Variants in ANO1 observed in about 807,000 individuals in gnomAD.
ANO1 encodes anoctamin 1.
A neutral mutation model predicts 124.0 loss-of-function variants in ANO1; 59 were observed. That is an observed-to-expected ratio of 0.48 (90% CI 0.39 to 0.59). The LOEUF (loss-of-function observed/expected upper bound fraction) is 0.59, where lower values mean the gene tolerates loss of function less well. ANO1 is among the 20% of genes least tolerant of loss of function. The pLI is 0.00. For missense variants in ANO1, 1,059 were observed against 1,328.0 expected (o/e 0.80, Z 3.15); for synonymous variants, 529 against 532.0 (o/e 0.99, Z 0.08).
chr11:70,101,278 T>A (rs1487093967), intron 2 of ANO1, among the ~76,000 whole-genome samples: 1 of 151,848 alleles, frequency 6.6e-6, no homozygotes, highest in East Asian at 1.9e-4. Flanking sequence ...CCACTTCAGA[T>A]TTTGTTTTCT....
chr11:70,119,168 G>GGATGAT (rs2046137616), intron 8 of ANO1, among the ~76,000 whole-genome samples: 1 of 148,120 alleles, frequency 6.8e-6, no homozygotes, highest in African/African-American at 2.5e-5. Context: ...AATTAATGAT[G>GGATGAT]GATGATGGGT....
chr11:70,108,075 T>G, intron 5 of ANO1: 2 of 438,614 alleles, frequency 4.6e-6, no homozygotes, highest in Admixed American at 6.8e-5. Flanking sequence ...AGTGCTTTGC[T>G]GGGGCCAACT....
At chr11:70,110,552 G>T (rs1248855405) in intron 6 of ANO1, among the ~76,000 whole-genome samples, 1 of 152,046 alleles carries the variant, frequency 6.6e-6, no homozygotes, top group Non-Finnish European at 1.5e-5. Context: ...CCTTCCTCTG[G>T]TTTTGACTTC....
At chr11:70,109,452 T>A (rs1893087) in intron 6 of ANO1, among the ~76,000 whole-genome samples, 129,724 of 152,158 alleles carry the variant, frequency 0.85, 55,458 homozygotes, top group Middle Eastern at 0.9. Flanking sequence ...TAAGTCCATG[T>A]CCTAAGGCAA....
At chr11:70,116,933 C>A (rs2045997323) in intron 8 of ANO1, among the ~76,000 whole-genome samples, 1 of 152,038 alleles carries the variant, frequency 6.6e-6, no homozygotes, top group South Asian at 2.1e-4. Context: ...GAACAATGGC[C>A]CCCAGCAGCG....
At chr11:70,007,946 G>A (rs1466950357) in intron 1 of ANO1, among the ~76,000 whole-genome samples, 11 of 152,032 alleles carry the variant, frequency 7.2e-5, no homozygotes, top group South Asian at 2.1e-4. Context: ...TTTTAATAGC[G>A]GCCATCCCAG....
chr11:70,080,437 G>T (rs146871103), intron 1 of ANO1, among the ~76,000 whole-genome samples: 14 of 152,348 alleles, frequency 9.2e-5, no homozygotes, highest in Non-Finnish European at 1.5e-4. Flanking sequence ...AGTCCCAAAG[G>T]TGGGACCATG....
chr11:70,116,591 C>T (rs2045985165), intron 8 of ANO1, 92 bp downstream of exon 8: 33 of 1,352,930 alleles, frequency 2.4e-5, no homozygotes, highest in South Asian at 2.4e-4. Flanking sequence ...GAGGACTTAC[C>T]GGCCTCCAGG....
At chr11:69,989,157 A>T (rs1856106452) in intron 1 of ANO1, among the ~76,000 whole-genome samples, 1 of 152,070 alleles carries the variant, frequency 6.6e-6, no homozygotes, top group African/African-American at 2.4e-5. Context: ...CCCCCCATTT[A>T]TGTTGAGGAA....
At chr11:69,978,050 G>A in the ANO1 span, among the ~76,000 whole-genome samples, 69,052 of 151,940 alleles carry the variant, frequency 0.45, 16,278 homozygotes, top group South Asian at 0.61. Flanking sequence ...AGCTTGGCCC[G>A]GTGTTTTCTT....
chr11:70,070,298 T>G (rs1555009143), intron 1 of ANO1, among the ~76,000 whole-genome samples: 1 of 152,128 alleles, frequency 6.6e-6, no homozygotes, highest in African/African-American at 2.4e-5. Context: ...GAAAACAAGA[T>G]GATGAAGCGA....
Position 70,009,571 on chromosome 11 carries a change from G to C in ANO1, c.58+23405G>C, listed in dbSNP as rs371360624. ...AAAGGCCTGTCTTGGTGCATTTTGC[G>C]TTGCTATAAAGGAATGCATGAGGCT... On this transcript the variant is annotated intron_variant, in intron 1 of 27. Coordinates refer to the ANO1 transcript ENST00000531349. Among the ~76,000 whole-genome samples the C allele has an allele frequency of 1.1e-3, 171 of 152,214 alleles. 1 individual carries two copies. The highest frequency in any genetic ancestry group is 4.0e-3 in the African/African-American group (168 of 41,524).
chr11:70,122,236 C>T (rs1428150466), intron 8 of ANO1, among the ~76,000 whole-genome samples: 5 of 52,856 alleles, frequency 9.5e-5, no homozygotes, highest in East Asian at 6.6e-4. Context: ...TCCATCTCCC[C>T]CACCTCTCTG....
At chr11:70,170,676 C>T (rs2048426967) in intron 21 of ANO1, among the ~76,000 whole-genome samples, 1 of 152,232 alleles carries the variant, frequency 6.6e-6, no homozygotes, top group Admixed American at 6.5e-5. Context: ...ATTCTGCCTT[C>T]AGCCCACTCC....
chr11:70,051,929 G>A (rs2135083897), intron 1 of ANO1, among the ~76,000 whole-genome samples: 1 of 152,280 alleles, frequency 6.6e-6, no homozygotes, highest in East Asian at 1.9e-4. Flanking sequence ...TATGGTTACT[G>A]ATTTCTGTAT....
chr11:70,055,698 C>T (rs1555006746), intron 1 of ANO1, among the ~76,000 whole-genome samples: 1 of 152,044 alleles, frequency 6.6e-6, no homozygotes, highest in African/African-American at 2.4e-5. Flanking sequence ...GGGTTTACAA[C>T]CACTATATTA....
intron 2 of ANO1, among the ~76,000 whole-genome samples, chr11:70,096,360 G>A (rs1252067820): frequency 3.3e-5 from 5 of 152,218 alleles, no homozygotes; most frequent in African/African-American, 9.6e-5. Flanking sequence ...CTGGGCACCC[G>A]TATCGGTCCG....
chr11:70,037,777 C>T (rs1194252338), intron 1 of ANO1, among the ~76,000 whole-genome samples: 1 of 152,144 alleles, frequency 6.6e-6, no homozygotes, highest in African/African-American at 2.4e-5. Context: ...GGGCTCTGGG[C>T]AAGTAGTTTA....
At chr11:70,024,169 T>G (rs1328394990) in intron 1 of ANO1, among the ~76,000 whole-genome samples, 1 of 152,208 alleles carries the variant, frequency 6.6e-6, no homozygotes, top group Non-Finnish European at 1.5e-5. Context: ...GACAGAGAGC[T>G]TGCCCCTGGG....
Sources: allele counts gnomAD v4.1 joint callset (sites outside exome capture counted in the v4.1 genomes callset), GRCh38; gene constraint gnomAD v4.1.1; transcripts MANE v1.5; gene names NCBI Gene and HGNC (gene_info 2026-07-23, HGNC 2026-07-21).